HS6ST3: variants seen among roughly 807,000 people sequenced by gnomAD.
The protein encoded by HS6ST3 is heparan-sulfate 6-O-sulfotransferase 3.
Under a neutral mutation model 36.7 loss-of-function variants are expected in HS6ST3, and 12 were observed. That is an observed-to-expected ratio of 0.33 (90% confidence interval 0.21 to 0.53). The LOEUF (loss-of-function observed/expected upper bound fraction) is 0.53, where lower values mean the gene tolerates loss of function less well. Ranked by LOEUF, HS6ST3 falls within the 20% of genes least tolerant of loss-of-function variation. HS6ST3 has a pLI of 0.95. For synonymous variants in HS6ST3, 240 were observed against 257.5 expected (o/e 0.93, Z 0.65); for missense variants, 584 against 640.9 (o/e 0.91, Z 0.96).
At chr13:96,506,556 G>A (rs1020941274) in intron 1 of HS6ST3, among the ~76,000 whole-genome samples, 2 of 152,110 alleles carry the variant, frequency 1.3e-5, no homozygotes. Context: ...TTTTCCTATT[G>A]AATGCTGCCT....
intron 1 of HS6ST3, among the ~76,000 whole-genome samples, chr13:96,698,943 C>A (rs1349514307): frequency 6.6e-6 from 1 of 152,102 alleles, no homozygotes; most frequent in Non-Finnish European, 1.5e-5. Context: ...AGAAATAATG[C>A]TGCATATCTA....
At chr13:96,291,453 G>T (rs1203053706) in intron 1 of HS6ST3, among the ~76,000 whole-genome samples, 2 of 152,276 alleles carry the variant, frequency 1.3e-5, no homozygotes, top group Middle Eastern at 3.4e-3. Context: ...CCATGTTCTT[G>T]AATATGGGCT....
intron 1 of HS6ST3, among the ~76,000 whole-genome samples, chr13:96,570,432 G>A (rs139734345): frequency 2.6e-5 from 4 of 152,204 alleles, no homozygotes; most frequent in African/African-American, 4.8e-5. Context: ...AGATTAATGC[G>A]ACATTGAAAT....
In HS6ST3 at chr13:96,767,165, G is replaced by A. The variant is rs1276924577; in HGVS notation, c.708-65325G>A. ...CGTGATCTTTGTGTTTTATATCTACGACAGGACAATACTAGTAACATAGCA... is the reference window on the plus strand; with the variant it reads ...CGTGATCTTTGTGTTTTATATCTACAACAGGACAATACTAGTAACATAGCA... On this transcript the variant is annotated intron_variant, in intron 1 of 1. Coordinates refer to ENST00000376705, the MANE Select transcript of HS6ST3 (RefSeq NM_153456.4). Among the ~76,000 whole-genome samples the A allele has an allele frequency of 4.6e-5, 7 of 152,074 alleles. No individual in the cohort carries two copies. The East Asian group carries it at 1.3e-3, about 29-fold the overall frequency.
intron 1 of HS6ST3, among the ~76,000 whole-genome samples, chr13:96,569,705 T>C (rs932798328): frequency 4.6e-5 from 7 of 152,048 alleles, no homozygotes; most frequent in Admixed American, 4.6e-4. Flanking sequence ...GAAATAGAAA[T>C]GGTTGAATAC....
chr13:96,816,646 G>T (rs2138538982), intron 1 of HS6ST3, among the ~76,000 whole-genome samples: 1 of 152,286 alleles, frequency 6.6e-6, no homozygotes, highest in African/African-American at 2.4e-5. Flanking sequence ...CAGCTGTCCA[G>T]GGGAAAGGTA....
intron 1 of HS6ST3, among the ~76,000 whole-genome samples, chr13:96,348,542 A>G (rs1420654554): frequency 1.4e-4 from 21 of 152,210 alleles, no homozygotes; most frequent in Admixed American, 1.3e-3. Context: ...ACTATTTAAG[A>G]TTACTGAAAC....
intron 1 of HS6ST3, among the ~76,000 whole-genome samples, chr13:96,552,611 C>G (rs905097509): frequency 3.9e-5 from 6 of 152,122 alleles, no homozygotes; most frequent in African/African-American, 1.4e-4. Flanking sequence ...GACATCCCGG[C>G]CAGCAAGAGC....
intron 1 of HS6ST3, among the ~76,000 whole-genome samples, chr13:96,112,271 G>A (rs528246994): frequency 6.6e-6 from 1 of 152,044 alleles, no homozygotes; most frequent in African/African-American, 2.4e-5. Context: ...GCATAATTAT[G>A]TAACAACCTG....
intron 1 of HS6ST3, among the ~76,000 whole-genome samples, chr13:96,245,010 C>G (rs969172700): frequency 3.3e-5 from 5 of 152,164 alleles, no homozygotes; most frequent in Non-Finnish European, 5.9e-5. Context: ...TATTTTTAAT[C>G]TGTTTCAGTT....
chr13:96,479,154 A>AC (rs1203281045), intron 1 of HS6ST3, among the ~76,000 whole-genome samples: 13 of 152,320 alleles, frequency 8.5e-5, no homozygotes, highest in African/African-American at 2.9e-4. Context: ...AGAGGTTGAC[A>AC]CTGGAGCACT....
intron 1 of HS6ST3, among the ~76,000 whole-genome samples, chr13:96,695,288 G>A (rs1444613126): frequency 6.6e-6 from 1 of 152,154 alleles, no homozygotes; most frequent in South Asian, 2.1e-4. Context: ...CTTTGTGATG[G>A]ACAGTCTCCT....
intron 1 of HS6ST3, among the ~76,000 whole-genome samples, chr13:96,140,011 C>T (rs2054022829): frequency 6.6e-6 from 1 of 151,992 alleles, no homozygotes; most frequent in African/African-American, 2.4e-5. Context: ...TTTGAAAAAA[C>T]TCACAGATGA....
intron 1 of HS6ST3, among the ~76,000 whole-genome samples, chr13:96,562,748 A>C (rs998572349): frequency 6.6e-6 from 1 of 152,050 alleles, no homozygotes; most frequent in Non-Finnish European, 1.5e-5. Flanking sequence ...CATCATGTAC[A>C]TGCAATGTGC....
intron 1 of HS6ST3, among the ~76,000 whole-genome samples, chr13:96,521,110 T>C (rs2056091583): frequency 6.6e-6 from 1 of 152,210 alleles, no homozygotes; most frequent in South Asian, 2.1e-4. Context: ...GAGATAATCA[T>C]GTGGTTTTTG....
Position 96,771,874 on chromosome 13 carries a change from T to C in HS6ST3, c.708-60616T>C, listed in dbSNP as rs142328814. ...GATAAGATATGTTTTGCCAAGGAGG[T>C]CATCTTCCCCCATTTCCTTAACAAG... On this transcript the variant is annotated intron_variant, in intron 1 of 1. Transcript: ENST00000376705. 7.1e-4 allele frequency among the ~76,000 whole-genome samples: 107 copies of C among 151,522 alleles called. 2 individuals are homozygous for C. Among genetic ancestry groups the C allele is most frequent in the African/African-American group, 2.5e-3 (102 of 41,246 alleles).
At chr13:96,787,578 A>G (rs1877681704) in intron 1 of HS6ST3, among the ~76,000 whole-genome samples, 1 of 151,972 alleles carries the variant, frequency 6.6e-6, no homozygotes, top group African/African-American at 2.4e-5. Flanking sequence ...TATCTTCTTT[A>G]CTGAAATGTC....
At chr13:96,128,258 T>C (rs1043913037) in intron 1 of HS6ST3, among the ~76,000 whole-genome samples, 5 of 152,174 alleles carry the variant, frequency 3.3e-5, no homozygotes, top group African/African-American at 1.2e-4. Flanking sequence ...TTATAACTAA[T>C]AGAGTTGACG....
intron 1 of HS6ST3, among the ~76,000 whole-genome samples, chr13:96,407,702 G>T (rs76506303): frequency 8.5e-5 from 13 of 152,210 alleles, no homozygotes; most frequent in African/African-American, 2.9e-4. Flanking sequence ...CGTCCATGGA[G>T]AATTTACATT....
Sources: gnomAD v4.1 joint callset for allele counts (sites outside exome capture counted in the v4.1 genomes callset) on GRCh38, gnomAD v4.1.1 for gene constraint, MANE v1.5 for transcripts, NCBI Gene and HGNC (gene_info 2026-07-23, HGNC 2026-07-21) for gene names.